Variants in ACTB observed in about 807,000 individuals in gnomAD.
ACTB encodes actin, cytoplasmic 1.
ACTB carries 2 observed loss-of-function variants against 30.5 expected under a neutral mutation model. The observed-to-expected ratio is 0.07, with a 90% CI of 0.03 to 0.21. The LOEUF is 0.21. ACTB is among the 10% of genes least tolerant of loss of function. The pLI is 1.00. For missense variants in ACTB, 56 were observed against 530.0 expected, an observed-to-expected ratio of 0.11 and a Z score of 8.78; for synonymous variants, 335 against 217.6, an observed-to-expected ratio of 1.54 and a Z score of -4.75.
intron 1 of ACTB, chr7:5,529,937 G>C: frequency 2.8e-6 from 1 of 361,698 alleles, no homozygotes; most frequent in Non-Finnish European, 5.0e-6. Context: ...GCGCGCGCAC[G>C]CAGCGGCCAC....
In ACTB at chr7:5,529,389, C is replaced by G; in HGVS notation, c.135G>C (p.Val45=). Residue 45 remains valine, a synonymous_variant, in exon 3 of 6, where the codon GTG becomes GTC. Transcript: ENST00000646664. ...VGRPRHQGVM[V]GMGQKDSYVG... ...CATAGGAATCCTTCTGACCCATGCC[C>G]ACCATCACGCCCTGGGAAGGAAAGG... 2 of 1,614,036 alleles carry G rather than the reference C, an allele frequency of 1.2e-6. No individual in the cohort carries two copies. Among genetic ancestry groups the G allele is most frequent in the East Asian group, 2.2e-5 (1 of 44,880 alleles).
chr7:5,530,001 C>G (rs1443182783), intron 1 of ACTB: 2 of 171,926 alleles, frequency 1.2e-5, no homozygotes, highest in Non-Finnish European at 2.4e-5. Context: ...GCCCGGGAGC[C>G]GCGGCGACCC....
rs1394657488 is a variant in ACTB at position 5,528,359 on chromosome 7, G to A, written c.724C>T (p.Leu242=). The A allele has an allele frequency of 1.7e-5, 27 of 1,614,050 alleles. No homozygotes were observed. In the Admixed American group the frequency reaches 4.2e-4, roughly 25 times the overall value. The change falls in exon 4 of 6, where the codon CTG becomes TTG. Residue 242 remains leucine, a synonymous_variant. Coordinates refer to ENST00000646664, the MANE Select transcript of ACTB (RefSeq NM_001101.5). ...ATGGTGATGACCTGGCCGTCAGGCA[G>A]CTCGTAGCTCTTCTCCAGGGAGGAG... ...SSSSLEKSYE[L]PDGQVITIGN...
Position 5,527,682 on chromosome 7 carries a change from A to ATCTTGTTTTCTGCGCAAGTTAGGT in ACTB, c.*42_*65dup. The ATCTTGTTTTCTGCGCAAGTTAGGT allele has an allele frequency of 6.2e-7, 1 of 1,608,124 alleles. No homozygotes were observed. The highest frequency in any genetic ancestry group is 8.5e-7 in the Non-Finnish European group (1 of 1,176,436). ...AAACAAATAAAGCCATGCCAATCTC[A>ATCTTGTTTTCTGCGCAAGTTAGGT]TCTTGTTTTCTGCGCAAGTTAGGTT... On this transcript the variant is annotated 3_prime_UTR_variant, in exon 6 of 6. Transcript: ENST00000646664.
chr7:5,528,924 AGT>A, intron 3 of ACTB: 1 of 1,485,936 alleles, frequency 6.7e-7, no homozygotes, highest in Admixed American at 2.0e-5. Flanking sequence ...CACACGAGCC[AGT>A]GTTAGTACCT....
rs1006784360 is a variant in ACTB at position 5,530,553 on chromosome 7, C to G, written c.-36G>C. ...CGGCGGGTGTGGACGGGCGGCGGAT[C>G]GGCAAAGGCGAGGCTCTGTGCTCGC... On this transcript the variant is annotated 5_prime_UTR_variant, in exon 1 of 6. Coordinates refer to ENST00000646664, the MANE Select transcript of ACTB (RefSeq NM_001101.5). The G allele has an allele frequency of 2.0e-5, 3 of 152,144 alleles. No homozygotes were observed. The highest frequency in any genetic ancestry group is 1.5e-5 in the Non-Finnish European group (1 of 68,390). 9.4% of individuals were successfully genotyped at this position (152,144 alleles called of 1,614,324 possible). A position where few individuals can be genotyped will look rare whatever the true frequency, so the allele number is the denominator to read the frequency against.
rs370842886 is a variant in ACTB at position 5,528,175 on chromosome 7, G to A, written c.813C>T (p.Ser271=). The A allele has an allele frequency of 9.9e-6, 16 of 1,614,226 alleles. No individual in the cohort carries two copies. The highest frequency in any genetic ancestry group is 6.7e-5 in the African/African-American group (5 of 75,058). ...LFQPSFLGME[S]CGIHETTFNS... is the part of the protein sequence containing the mutation. ...TGAAGGTAGTTTCGTGGATGCCACA[G>A]GACTCCATGCCTGAGAGGGAAATGA... The change falls in exon 5 of 6, where the codon TCC becomes TCT. Residue 271 remains serine (S), a synonymous_variant. Coordinates refer to ENST00000646664, the MANE Select transcript of ACTB (RefSeq NM_001101.5).
rs17136418 is a variant in ACTB, at chr7:5,527,646, C to G, written c.*102G>C. On this transcript the variant is annotated 3_prime_UTR_variant, in exon 6 of 6. Coordinates refer to ENST00000646664, the MANE Select transcript of ACTB (RefSeq NM_001101.5). Reference sequence around the variant, plus strand: ...GCCAAAAAAAAAAAAAAAACCAAAACAAAACAAAAAAAACAAATAAAGCCA... The same window carrying G: ...GCCAAAAAAAAAAAAAAAACCAAAAGAAAACAAAAAAAACAAATAAAGCCA... 1.0e-5 allele frequency: 13 copies of G among 1,277,502 alleles called. No homozygotes were observed. Among genetic ancestry groups the G allele is most frequent in the Non-Finnish European group, 1.4e-5 (13 of 932,070 alleles). The allele number at this position is 1,277,502 out of a possible 1,614,324, so 79.1% of individuals were successfully genotyped here.
At chr7:5,529,139 G>C (rs374419443) in intron 3 of ACTB, 22 bp downstream of exon 3, 7 of 1,613,910 alleles carry the variant, frequency 4.3e-6, no homozygotes, top group Non-Finnish European at 5.1e-6. Flanking sequence ...GCGGCCACCA[G>C]AAGAGGTAGC....
intron 3 of ACTB, 146 bp from the exon 4 acceptor site, chr7:5,528,865 T>C (rs1784820665): frequency 1.5e-6 from 2 of 1,378,762 alleles, no homozygotes; most frequent in Non-Finnish European, 2.0e-6. Flanking sequence ...ACTGTGCACC[T>C]ACTTAATACA....
chr7:5,529,786 C>G (rs541401045), intron 1 of ACTB, 123 bp from the exon 2 acceptor site: 1 of 1,484,692 alleles, frequency 6.7e-7, no homozygotes, highest in Non-Finnish European at 9.3e-7. Context: ...CAAAGGAAGC[C>G]GGGCCGGCCG....
rs1319092745 is a variant in ACTB, at chr7:5,528,136, C to T, written c.852G>A (p.Lys284=). Residue 284 remains lysine (K), a synonymous_variant, in exon 5 of 6, where the codon AAG becomes AAA. Transcript: ENST00000646664. ...IHETTFNSIM[K]CDVDIRKDLY... ...GGTCTTTGCGGATGTCCACGTCACA[C>T]TTCATGATGGAGTTGAAGGTAGTTT... The T allele has an allele frequency of 6.2e-7, 1 of 1,614,220 alleles. No homozygotes were observed. The highest frequency in any genetic ancestry group is 1.1e-5 in the South Asian group (1 of 91,088).
rs852424 is a variant in ACTB at position 5,527,965 on chromosome 7, C to T, written c.984+39G>A. 532,770 of 1,613,302 alleles carry T rather than the reference C, an allele frequency of 0.33. 89,291 individuals carry two copies. Among genetic ancestry groups the T allele is most frequent in the African/African-American group, 0.36 (27,322 of 74,884 alleles). On this transcript the variant is annotated intron_variant, in intron 5 of 5. Coordinates refer to ENST00000646664, the MANE Select transcript of ACTB (RefSeq NM_001101.5). Reference sequence around the variant, plus strand: ...CCCACACACCACAGGACCCCACAGCCGACCTGCCCAGGTCAGCTCAGGCAG... The same window carrying T: ...CCCACACACCACAGGACCCCACAGCTGACCTGCCCAGGTCAGCTCAGGCAG...
At chr7:5,529,475 A>C in intron 2 of ACTB, 60 bp downstream of exon 2, 1 of 1,612,970 alleles carries the variant, frequency 6.2e-7, no homozygotes. Flanking sequence ...TCCTGTGCAG[A>C]GAAAGCGCCC....
rs1784793281 is a variant in ACTB, at chr7:5,527,644, A to G, written c.*104T>C. The G allele has an allele frequency of 6.4e-7, 1 of 1,565,728 alleles. No individual in the cohort carries two copies. ...AAGCCAAAAAAAAAAAAAAAACCAAAACAAAACAAAAAAAACAAATAAAGC... is the reference window on the plus strand; with the variant it reads ...AAGCCAAAAAAAAAAAAAAAACCAAGACAAAACAAAAAAAACAAATAAAGC... On this transcript the variant is annotated 3_prime_UTR_variant, in exon 6 of 6. Coordinates refer to ENST00000646664, the MANE Select transcript of ACTB (RefSeq NM_001101.5).
chr7:5,529,597 A>C lies in ACTB; in HGVS notation c.61T>G (p.Phe21Val). 6.2e-7 allele frequency: 1 copy of C among 1,611,490 alleles called. No individual in the cohort carries two copies. The highest frequency in any genetic ancestry group is 1.7e-5 in the Admixed American group (1 of 59,998). Residue 21 changes from phenylalanine (F) to valine (V), a missense_variant, in exon 2 of 6, where the codon TTC (phenylalanine) becomes GTC (valine). Phe to Val is a conservative substitution (Grantham distance 50). Transcript: ENST00000646664. Reference protein sequence around the residue: ...DNGSGMCKAGFAGDDAPRAVF... With the variant: ...DNGSGMCKAGVAGDDAPRAVF... Reference sequence around the variant, plus strand: ...GCCCGGGGGGCATCGTCGCCCGCGAAGCCGGCCTTGCACATGCCGGAGCCG... The same window carrying C: ...GCCCGGGGGGCATCGTCGCCCGCGACGCCGGCCTTGCACATGCCGGAGCCG...
rs1414665226 is a variant in ACTB, at chr7:5,529,550, C to A, written c.108G>T (p.Gly36=). The A allele has an allele frequency of 6.2e-7, 1 of 1,611,516 alleles. No homozygotes were observed. The highest frequency in any genetic ancestry group is 8.5e-7 in the Non-Finnish European group (1 of 1,179,286). Residue 36 remains glycine, a synonymous_variant, in exon 2 of 6, where the codon GGG becomes GGT. Transcript: ENST00000646664. Reference sequence around the variant, plus strand: ...GCTCCCCTACCTGGTGCCTGGGGCGCCCCACGATGGAGGGGAAGACGGCCC... The same window carrying A: ...GCTCCCCTACCTGGTGCCTGGGGCGACCCACGATGGAGGGGAAGACGGCCC... ...APRAVFPSIV[G]RPRHQGVMVG...
intron 1 of ACTB, chr7:5,529,931 G>T (rs1784851739): frequency 2.7e-6 from 1 of 375,882 alleles, no homozygotes; most frequent in African/African-American, 2.2e-5. Flanking sequence ...GTCGGCGCGC[G>T]CGCACGCAGC....
chr7:5,529,132 G>A (rs1784828364), intron 3 of ACTB, 29 bp downstream of exon 3: 1 of 1,613,684 alleles, frequency 6.2e-7, no homozygotes, highest in African/African-American at 1.3e-5. Context: ...GAGGGAGGCG[G>A]CCACCAGAAG....
Sources: allele counts gnomAD v4.1 joint callset, GRCh38; gene constraint gnomAD v4.1.1; transcripts MANE v1.5; gene names NCBI Gene and HGNC (gene_info 2026-07-23, HGNC 2026-07-21).